The following MLH3 variants were observed in gnomAD, a reference collection of about 807,000 sequenced individuals.
MLH3 encodes DNA mismatch repair protein Mlh3.
In MLH3, 82 loss-of-function variants were observed where a neutral mutation model predicts 122.2. That is an observed-to-expected ratio of 0.67 (90% CI 0.56 to 0.81). MLH3 has a LOEUF of 0.81. Ranked by LOEUF, MLH3 falls within the 30% of genes least tolerant of loss-of-function variation. The pLI is 0.00. For synonymous variants in MLH3, 524 were observed against 599.5 expected (o/e 0.87, Z 1.84); for missense variants, 1,539 against 1,714.5 (o/e 0.90, Z 1.81).
At chr14:75,025,788 T>A (rs1938632990) in intron 9 of MLH3, among the ~76,000 whole-genome samples, 1 of 152,230 alleles carries the variant, frequency 6.6e-6, no homozygotes, top group African/African-American at 2.4e-5. Flanking sequence ...ACATTCACTG[T>A]GTCTAAACCC....
chr14:75,018,001 C>T (rs548388995), intron 12 of MLH3, among the ~76,000 whole-genome samples: 21 of 152,100 alleles, frequency 1.4e-4, no homozygotes, highest in Admixed American at 4.6e-4. Context: ...CAGAATTAGC[C>T]GGGCGTGGTG....
chr14:75,018,683 G>T, intron 12 of MLH3, 146 bp downstream of exon 12: 1 of 857,938 alleles, frequency 1.2e-6, no homozygotes, highest in Non-Finnish European at 1.9e-6. Flanking sequence ...AAATGGGTGA[G>T]GCTTTATGTG....
At chr14:75,021,010 GGGATTAC>G (rs1224765105) in intron 11 of MLH3, 1 of 152,158 alleles carries the variant, frequency 6.6e-6, no homozygotes, top group African/African-American at 2.4e-5. Flanking sequence ...CTGAGTAGCT[GGGATTAC>G]AGGTGCCCGC....
chr14:75,050,176 T>C (rs1892567721), intron 1 of MLH3, among the ~76,000 whole-genome samples: 1 of 152,336 alleles, frequency 6.6e-6, no homozygotes, highest in African/African-American at 2.4e-5. Context: ...TGCTAAGACA[T>C]TGTAATAAGG....
In MLH3 at chr14:75,048,030, C is replaced by T; in HGVS notation, c.1626G>A (p.Leu542=). Residue 542 remains leucine (L), a synonymous_variant, in exon 2 of 13, where the codon TTG becomes TTA. Coordinates refer to ENST00000355774, the MANE Select transcript of MLH3 (RefSeq NM_001040108.2). ...TTVNGMAANI[L]KNNRIQNQPK... ...GTTGATTCTGAATTCTATTATTTTT[C>T]AAGATGTTGGCAGCCATGCCATTAA... 6.2e-7 allele frequency: 1 copy of T among 1,613,424 alleles called. No homozygotes were observed. Among genetic ancestry groups the T allele is most frequent in the Non-Finnish European group, 8.5e-7 (1 of 1,179,844 alleles).
intron 8 of MLH3, 90 bp downstream of exon 8, chr14:75,031,978 T>C: frequency 1.1e-6 from 1 of 918,754 alleles, no homozygotes; most frequent in Non-Finnish European, 1.8e-6. Context: ...TGGTCTCATC[T>C]GAGAAATGGA....
In MLH3 at chr14:75,019,367, G is replaced by A. The variant is rs1278658928; in HGVS notation, c.4091-387C>T. ...GGGGGTTGCAGTGAGCCGAGATCAC[G>A]CCACTGCACTCCAGCCTGGGCAACA... On this transcript the variant is annotated intron_variant, in intron 11 of 12. Transcript: ENST00000355774. Among the ~76,000 whole-genome samples, 17 of 130,182 alleles carry A rather than the reference G, an allele frequency of 1.3e-4. No homozygotes were observed. The Admixed American group carries it at 1.4e-3, about 11-fold the overall frequency. 85.4% of individuals were successfully genotyped at this position (130,182 alleles called of 152,430 possible). A position where few individuals can be genotyped will look rare whatever the true frequency, so the allele number is the denominator to read the frequency against.
intron 7 of MLH3, 66 bp downstream of exon 7, chr14:75,033,353 G>A: frequency 8.0e-7 from 1 of 1,255,814 alleles, no homozygotes. Flanking sequence ...AGTTAGAAAA[G>A]CTCTTTGAGG....
chr14:75,020,729 T>G (rs1890217560), intron 11 of MLH3: 1 of 152,172 alleles, frequency 6.6e-6, no homozygotes, highest in Non-Finnish European at 1.5e-5. Context: ...TTCTATATTG[T>G]ATCATATTAC....
In MLH3 at chr14:75,049,360, T is replaced by C; in HGVS notation, c.296A>G (p.Asn99Ser). Residue 99 changes from asparagine to serine, a missense_variant, in exon 2 of 13, where the codon AAT becomes AGT. Transcript: ENST00000355774. The stretch of plus-strand genomic sequence containing the variant: ...CACAGCACTGGCCATGTCAGCAATA[T>C]TTGCCAAGGCCTCTCCTCGGAAACC... ...FYGFRGEALANIADMASAVEI... is the reference protein window; with the variant it reads ...FYGFRGEALASIADMASAVEI... 1 of 1,614,112 alleles carries C rather than the reference T, an allele frequency of 6.2e-7. No individual in the cohort carries two copies. The highest frequency in any genetic ancestry group is 1.7e-5 in the Admixed American group (1 of 60,020).
Position 75,048,674 on chromosome 14 carries a change from T to C in MLH3, c.982A>G (p.Ile328Val). The change falls in exon 2 of 13, where the codon ATT (isoleucine) becomes GTT (valine). Residue 328 changes from isoleucine (I) to valine (V), a missense_variant. Coordinates refer to ENST00000355774, the MANE Select transcript of MLH3 (RefSeq NM_001040108.2). ...DVCMEPAKTL[I>V]EFQNWDTLLF... ...AGAGTGTCCCAGTTCTGAAATTCAATCAGAGTTTTGGCTGGCTCCATGCAC... is the reference window on the plus strand; with the variant it reads ...AGAGTGTCCCAGTTCTGAAATTCAACCAGAGTTTTGGCTGGCTCCATGCAC... 3 of 1,614,214 alleles carry C rather than the reference T, an allele frequency of 1.9e-6. No individual in the cohort carries two copies. The highest frequency in any genetic ancestry group is 2.5e-6 in the Non-Finnish European group (3 of 1,180,032).
chr14:75,025,997 T>C (rs1308391763), intron 9 of MLH3, among the ~76,000 whole-genome samples: 1 of 152,180 alleles, frequency 6.6e-6, no homozygotes, highest in Non-Finnish European at 1.5e-5. Context: ...GTCTCAGATA[T>C]GTCACTCCTC....
In MLH3 at chr14:75,015,034, T is replaced by G. The variant is rs1889820633; in HGVS notation, c.*2048A>C. The G allele has an allele frequency of 5.6e-6, 1 of 178,290 alleles. No homozygotes were observed. Among genetic ancestry groups the G allele is most frequent in the African/African-American group, 2.4e-5 (1 of 42,296 alleles). The allele number at this position is 178,290 out of a possible 1,614,324, so 11.0% of individuals were successfully genotyped here. A position where few individuals can be genotyped will look rare whatever the true frequency, so the allele number is the denominator to read the frequency against. On this transcript the variant is annotated 3_prime_UTR_variant, in exon 13 of 13. Transcript: ENST00000355774. The stretch of plus-strand genomic sequence containing the variant: ...AAAGCTACCACCTTACCTCATGGAC[T>G]GTCAAGAAACTAAACTAAGATAAAG...
intron 5 of MLH3, among the ~76,000 whole-genome samples, chr14:75,039,040 G>C (rs1891622438): frequency 6.6e-6 from 1 of 151,998 alleles, no homozygotes; most frequent in Admixed American, 6.6e-5. Context: ...TGTATTTTTA[G>C]TAGAGACGGG....
At chr14:75,033,556 G>T in intron 6 of MLH3, 66 bp from the exon 7 acceptor site, 1 of 1,185,704 alleles carries the variant, frequency 8.4e-7, no homozygotes, top group Non-Finnish European at 1.3e-6. Context: ...GTGTGTTGAG[G>T]ACAGAGAAGA....
intron 6 of MLH3, among the ~76,000 whole-genome samples, chr14:75,034,720 A>T (rs1162808343): frequency 6.6e-6 from 1 of 152,024 alleles, no homozygotes. Flanking sequence ...CCTGCCTTAG[A>T]CTTGGGCTTC....
In MLH3 at chr14:75,046,462, C is replaced by A. The variant is rs1355183567; in HGVS notation, c.3194G>T (p.Ser1065Ile). 6.2e-7 allele frequency: 1 copy of A among 1,614,206 alleles called. No homozygotes were observed. Among genetic ancestry groups the A allele is most frequent in the Non-Finnish European group, 8.5e-7 (1 of 1,180,038 alleles). The change falls in exon 2 of 13, where the codon AGC becomes ATC. Residue 1065 changes from serine to isoleucine, a missense_variant. Transcript: ENST00000355774. ...GTCCTCAGTTGGGGCAATGAATGTG[C>A]TGAGTCCAGTCATTTTGTTGACATA... The part of the protein sequence containing the change: ...MVYVNKMTGL[S>I]TFIAPTEDIQ...
intron 9 of MLH3, among the ~76,000 whole-genome samples, chr14:75,030,209 T>C (rs534335682): frequency 2.6e-5 from 4 of 152,258 alleles, no homozygotes; most frequent in East Asian, 3.9e-4. Context: ...TTTCATTGAC[T>C]TCACCTCCCC....
At chr14:75,027,664 TAAAAAAAAAAAAAAA>T (rs56986784) in intron 9 of MLH3, among the ~76,000 whole-genome samples, 5 of 30,922 alleles carry the variant, frequency 1.6e-4, no homozygotes, top group East Asian at 1.2e-3. Context: ...TTTACTTCAG[TAAAAAAAAAAAAAAA>T]AAAAAAAAAA....
Sources: allele counts gnomAD v4.1 joint callset (sites outside exome capture counted in the v4.1 genomes callset), GRCh38; gene constraint gnomAD v4.1.1; transcripts MANE v1.5; gene names NCBI Gene and HGNC (gene_info 2026-07-23, HGNC 2026-07-21).